BRF1: variants seen among roughly 807,000 people sequenced by gnomAD.
The protein encoded by BRF1 is BRF1 general transcription factor IIIB subunit, also known as transcription factor IIIB 90 kDa subunit.
Under a neutral mutation model 81.7 loss-of-function variants are expected in BRF1, and 59 were observed. The ratio of observed to expected loss-of-function variants is 0.72; its 90% confidence interval spans 0.59 to 0.90. The LOEUF (loss-of-function observed/expected upper bound fraction) is 0.90. Among genes scored for constraint, BRF1 ranks in the 40% least tolerant of loss-of-function variants. The pLI, the probability that BRF1 is intolerant of heterozygous loss-of-function variation, is 0.00. For synonymous variants in BRF1, 491 were observed against 395.6 expected (o/e 1.24, Z -2.86); for missense variants, 1,050 against 936.3 (o/e 1.12, Z -1.58).
chr14:105,282,422 A>G (rs2057143561), intron 2 of BRF1, among the ~76,000 whole-genome samples: 1 of 152,230 alleles, frequency 6.6e-6, no homozygotes, highest in African/African-American at 2.4e-5. Context: ...TCACCAAAAC[A>G]GTAACAGTCG....
At position 105,253,809 on chromosome 14, in the gene BRF1, A is replaced by G. The variant is rs145399554; in HGVS notation, c.472-1230T>C. Among the ~76,000 whole-genome samples the G allele has an allele frequency of 5.3e-3, 813 of 152,262 alleles. 11 individuals carry two copies. Among genetic ancestry groups the G allele is most frequent in the South Asian group, 0.05 (242 of 4,822 alleles). On this transcript the variant is annotated intron_variant, in intron 4 of 17. Transcript: ENST00000547530. ...GGTGGCTCACAGAGTGTGCCTTCTGAAGGAATTTCCCCTCCTCACAGTTTC... is the reference window on the plus strand; with the variant it reads ...GGTGGCTCACAGAGTGTGCCTTCTGGAGGAATTTCCCCTCCTCACAGTTTC...
intron 2 of BRF1, among the ~76,000 whole-genome samples, chr14:105,281,468 C>T (rs2057099867): frequency 6.9e-6 from 1 of 144,240 alleles, no homozygotes; most frequent in Non-Finnish European, 1.5e-5. Flanking sequence ...ATACAGCCTG[C>T]GTGACCCTGA....
At chr14:105,215,529 C>G (rs1402996794) in intron 15 of BRF1, among the ~76,000 whole-genome samples, 1 of 151,976 alleles carries the variant, frequency 6.6e-6, no homozygotes, top group Non-Finnish European at 1.5e-5. Context: ...TGCATACGCA[C>G]TGCATGCACA....
intron 5 of BRF1, chr14:105,246,834 C>T (rs1279458981): frequency 1.0e-6 from 1 of 985,490 alleles, no homozygotes; most frequent in Non-Finnish European, 1.2e-6. Flanking sequence ...TCACATGCTC[C>T]ACACCACCAT....
Position 105,210,560 on chromosome 14 carries a change from G to A in BRF1, c.2025C>T (p.Asp675=), listed in dbSNP as rs1337144702. The A allele has an allele frequency of 6.2e-6, 10 of 1,611,196 alleles. No homozygotes were observed. The highest frequency in any genetic ancestry group is 5.3e-5 in the African/African-American group (4 of 74,892). The part of the protein sequence containing the change: ...NDYGCDGDED[D]GY ...GCCTGGAGGCCACACTTCAGTAGCC[G>A]TCGTCCTCATCGCCATCACAGCCAT... The change falls in exon 18 of 18, where the codon GAC becomes GAT. Residue 675 remains aspartate, a synonymous_variant. Coordinates refer to ENST00000547530, the MANE Select transcript of BRF1 (RefSeq NM_001519.4). This position sits in a 1 kb window ranked among gnomAD's most constrained non-coding sequence, Gnocchi z 4.7.
intron 3 of BRF1, among the ~76,000 whole-genome samples, chr14:105,260,050 G>T (rs372026947): frequency 5.3e-5 from 8 of 152,334 alleles, no homozygotes; most frequent in African/African-American, 1.7e-4. Context: ...ACTGTTGGAA[G>T]GGGCATGAGG....
At chr14:105,222,506 C>A (rs1443777137) in intron 10 of BRF1, 3 of 152,388 alleles carry the variant, frequency 2.0e-5, no homozygotes, top group African/African-American at 7.2e-5. Context: ...CCCCAAGCTC[C>A]TCCTTCACAA....
At chr14:105,315,555 C>T (rs2058562532), upstream of BRF1, 1 of 152,322 alleles carries the variant, frequency 6.6e-6, no homozygotes, top group Non-Finnish European at 1.5e-5. The surrounding 1 kb of genome is among the most constrained non-coding windows in gnomAD (Gnocchi z 4.4). Flanking sequence ...TCGCGGGTAC[C>T]TGGTTGGCGC....
At chr14:105,228,974 C>T (rs587759148) in intron 6 of BRF1, 61 bp from the exon 7 acceptor site, 402 of 1,476,308 alleles carry the variant, frequency 2.7e-4, no homozygotes, top group African/African-American at 9.7e-4. Context: ...ACATCTGTGG[C>T]GGCCCAGGAC....
rs139282295 is a variant in BRF1 at position 105,300,955 on chromosome 14, G to C, written c.-326C>G. ...GGGCGACCTGCGGGGGCTGGGCTTC[G>C]GCGGAACCCGAGCGGGGCCTACCGG... On this transcript the variant is annotated 5_prime_UTR_variant, in exon 1 of 18. Coordinates refer to ENST00000547530, the MANE Select transcript of BRF1 (RefSeq NM_001519.4). 3.3e-3 allele frequency: 512 copies of C among 154,964 alleles called. 3 individuals are homozygous for C. The highest frequency in any genetic ancestry group is 0.014 in the East Asian group (76 of 5,252). The allele number at this position is 154,964 out of a possible 1,614,324, so 9.6% of individuals were successfully genotyped here. A position where few individuals can be genotyped will look rare whatever the true frequency, so the allele number is the denominator to read the frequency against.
chr14:105,252,536 C>G lies in BRF1; in HGVS notation c.515G>C (p.Arg172Thr). The change falls in exon 5 of 18, where the codon AGA (arginine) becomes ACA (threonine). Residue 172 changes from arginine to threonine, a missense_variant. Transcript: ENST00000547530. ...VLGKTFLLLA[R>T]ELCINAPAID... is the part of the protein sequence containing the mutation. ...GGCCGGCGCATTGATGCAGAGCTCT[C>G]TTGCCAAGAGAAGAAACGTCTTTCC... 6.2e-7 allele frequency: 1 copy of G among 1,613,914 alleles called. No individual in the cohort carries two copies. Among genetic ancestry groups the G allele is most frequent in the Non-Finnish European group, 8.5e-7 (1 of 1,180,002 alleles).
intron 2 of BRF1, among the ~76,000 whole-genome samples, chr14:105,273,708 AGTATGCTTGGTAAAAGTCATC>A (rs2056757538): frequency 6.6e-6 from 1 of 152,190 alleles, no homozygotes; most frequent in Non-Finnish European, 1.5e-5. Context: ...GTTCACAGGC[AGTATGCTTGGTAAAAGTCATC>A]GCCATTCTCC....
chr14:105,268,843 G>C (rs1283578978), intron 3 of BRF1, among the ~76,000 whole-genome samples: 1 of 152,200 alleles, frequency 6.6e-6, no homozygotes, highest in Non-Finnish European at 1.5e-5. Flanking sequence ...AGAAGGTGAC[G>C]GGAGCTGTGC....
chr14:105,299,834 TAG>T (rs1345770562), intron 1 of BRF1, among the ~76,000 whole-genome samples: 1 of 152,240 alleles, frequency 6.6e-6, no homozygotes, highest in Non-Finnish European at 1.5e-5. Context: ...CAGTTTCCCA[TAG>T]AGTTACACAT....
intron 14 of BRF1, among the ~76,000 whole-genome samples, chr14:105,218,313 G>GC (rs1891667288): frequency 6.6e-6 from 1 of 152,148 alleles, no homozygotes; most frequent in Non-Finnish European, 1.5e-5. Flanking sequence ...CACCCCTGCT[G>GC]CCCCCCGCTG....
intron 4 of BRF1, among the ~76,000 whole-genome samples, chr14:105,255,184 T>C (rs2055809957): frequency 6.6e-6 from 1 of 152,256 alleles, no homozygotes; most frequent in Non-Finnish European, 1.5e-5. Context: ...GCAGCTGCCC[T>C]GGCCCTGGCC....
At chr14:105,266,689 C>G (rs2056432871) in intron 3 of BRF1, among the ~76,000 whole-genome samples, 1 of 152,046 alleles carries the variant, frequency 6.6e-6, no homozygotes, top group Admixed American at 6.6e-5. Context: ...CTCCCCAGGA[C>G]CATGCTGAGT....
At chr14:105,243,192 G>A (rs1470949495) in intron 5 of BRF1, among the ~76,000 whole-genome samples, 1 of 148,470 alleles carries the variant, frequency 6.7e-6, no homozygotes, top group Non-Finnish European at 1.5e-5. Flanking sequence ...TGTAATCCCA[G>A]AATTTTGGGA....
intron 1 of BRF1, among the ~76,000 whole-genome samples, chr14:105,294,902 T>A (rs1488606116): frequency 6.6e-6 from 1 of 152,256 alleles, no homozygotes; most frequent in Non-Finnish European, 1.5e-5. Flanking sequence ...ATCTTAAATA[T>A]AACTAGAACC....
Sources: gnomAD v4.1 joint callset for allele counts (sites outside exome capture counted in the v4.1 genomes callset) on GRCh38, gnomAD v4.1.1 for gene constraint, Gnocchi (gnomAD v3.1) non-coding constraint, MANE v1.5 for transcripts, NCBI Gene and HGNC (gene_info 2026-07-23, HGNC 2026-07-21) for gene names.